Variants in NOP53 observed in about 807,000 individuals in gnomAD.
The protein encoded by NOP53 is NOP53 ribosome biogenesis factor.
NOP53 carries 40 observed loss-of-function variants against 61.0 expected under a neutral mutation model. That is an observed-to-expected ratio of 0.66 (90% CI 0.51 to 0.85). NOP53 has a LOEUF of 0.85. Among genes scored for constraint, NOP53 ranks in the 40% least tolerant of loss-of-function variants. The pLI is 0.00. For synonymous variants in NOP53, 308 were observed against 289.5 expected, an observed-to-expected ratio of 1.06 and a Z score of -0.65; for missense variants, 689 against 652.9, an observed-to-expected ratio of 1.06 and a Z score of -0.60.
rs140040455 is a variant in NOP53, at chr19:47,751,544, G to T, written c.623G>T (p.Gly208Val). Residue 208 changes from glycine to valine, a missense_variant, in exon 5 of 13, where the codon GGC (glycine) becomes GTC (valine). Coordinates refer to ENST00000246802, the MANE Select transcript of NOP53 (RefSeq NM_015710.5). ...SDNPLDRPLV[G>V]QDEFFLEQTK... Reference sequence around the variant, plus strand: ...GACCCCCTGGACAGGCCGTTGGTTGGCCAGGATGAGTTTTTCCTGGAGCAG... The same window carrying T: ...GACCCCCTGGACAGGCCGTTGGTTGTCCAGGATGAGTTTTTCCTGGAGCAG... 4.2e-5 allele frequency: 68 copies of T among 1,613,868 alleles called. No homozygotes were observed. Among genetic ancestry groups the T allele is most frequent in the Non-Finnish European group, 5.3e-5 (63 of 1,179,948 alleles).
Position 47,751,528 on chromosome 19 carries a change from G to C in NOP53, c.607G>C (p.Asp203His), listed in dbSNP as rs1967124918. ...CCTCGCTGTATCCACAGACCCCCTG[G>C]ACAGGCCGTTGGTTGGCCAGGATGA... ...YDLWASDNPL[D>H]RPLVGQDEFF... The change falls in exon 5 of 13, where the codon GAC (aspartate) becomes CAC (histidine). Residue 203 changes from aspartate (D) to histidine (H), a missense_variant. Coordinates refer to ENST00000246802, the MANE Select transcript of NOP53 (RefSeq NM_015710.5). The C allele has an allele frequency of 6.2e-7, 1 of 1,613,718 alleles. No homozygotes were observed. Among genetic ancestry groups the C allele is most frequent in the African/African-American group, 1.3e-5 (1 of 74,846 alleles).
intron 5 of NOP53, 53 bp downstream of exon 5, chr19:47,751,643 G>A (rs2123674773): frequency 7.4e-7 from 1 of 1,358,534 alleles, no homozygotes; most frequent in Admixed American, 1.7e-5. Flanking sequence ...GGAGGGCCGG[G>A]AGCTGCTCTG....
At chr19:47,746,183 T>C (rs899427050) in intron 1 of NOP53, 1 of 160,618 alleles carries the variant, frequency 6.2e-6, no homozygotes, top group African/African-American at 2.4e-5. Flanking sequence ...TGTGTGTATA[T>C]ATATGTATAT....
At chr19:47,755,662 C>T in intron 9 of NOP53, 94 bp from the exon 10 acceptor site, 1 of 1,365,678 alleles carries the variant, frequency 7.3e-7, no homozygotes, top group East Asian at 2.5e-5. Context: ...ACCCCACATT[C>T]TCAGAGGCCC....
chr19:47,750,937 A>G lies in NOP53; in HGVS notation c.428A>G (p.Lys143Arg), dbSNP rs749037982. 3.1e-6 allele frequency: 5 copies of G among 1,597,030 alleles called. No individual in the cohort carries two copies. The African/African-American group carries it at 4.0e-5, about 13-fold the overall frequency. ...DVLAHQVPNA[K>R]KLRRKEQLWE... ...CTCGCCCACCAGGTCCCCAACGCCA[A>G]GAAGCTCAGGCGGAAGGAGCAGCTA... Residue 143 changes from lysine to arginine, a missense_variant, in exon 4 of 13, where the codon AAG (lysine) becomes AGG (arginine). Physicochemically the swap from Lys to Arg is conservative, Grantham distance 26 (BLOSUM62 2). Coordinates refer to ENST00000246802, the MANE Select transcript of NOP53 (RefSeq NM_015710.5).
rs1207576599 is a variant in NOP53, at chr19:47,753,048, T to C, written c.765+441T>C. The stretch of plus-strand genomic sequence containing the variant: ...CACACTGGCAGCCAAGTGACAGTTA[T>C]ATATGGGCGAGGCTAGCTCAGCGAT... On this transcript the variant is annotated intron_variant, in intron 6 of 12. Transcript: ENST00000246802. 3.5e-5 allele frequency: 6 copies of C among 171,692 alleles called. No homozygotes were observed. The East Asian group carries it at 6.4e-4, about 18-fold the overall frequency. The allele number at this position is 171,692 out of a possible 1,614,324, so 10.6% of individuals were successfully genotyped here.
In NOP53 at chr19:47,745,564, C is replaced by T. The variant is rs1351809298; in HGVS notation, c.5C>T (p.Ala2Val). M[A>V]AGGSGVGGKR... Reference sequence around the variant, plus strand: ...CTGAGTTCTTCCTTTGACAAGATGGCGGCAGGAGGCAGTGGCGTTGGTGGG... The same window carrying T: ...CTGAGTTCTTCCTTTGACAAGATGGTGGCAGGAGGCAGTGGCGTTGGTGGG... The change falls in exon 1 of 13, where the codon GCG (alanine) becomes GTG (valine). Residue 2 changes from alanine (A) to valine (V), a missense_variant. By Grantham distance (64) the Ala-to-Val change is moderately conservative (BLOSUM62 0). Transcript: ENST00000246802. 21 of 1,613,070 alleles carry T rather than the reference C, an allele frequency of 1.3e-5. No homozygotes were observed. The highest frequency in any genetic ancestry group is 1.7e-5 in the Admixed American group (1 of 59,976).
Position 47,754,683 on chromosome 19 carries a change from C to G in NOP53, c.871-26C>G, listed in dbSNP as rs1568600159. On this transcript the variant is annotated intron_variant, in intron 7 of 12. Coordinates refer to ENST00000246802, the MANE Select transcript of NOP53 (RefSeq NM_015710.5). This position sits in a 1 kb window ranked among gnomAD's most constrained non-coding sequence, Gnocchi z 4.2. Reference sequence around the variant, plus strand: ...CCCCTCCCCGGGCCTCCTACCCACCCCTGACACTGCACCCCGCCTCCCCAG... The same window carrying G: ...CCCCTCCCCGGGCCTCCTACCCACCGCTGACACTGCACCCCGCCTCCCCAG... 2 of 1,540,144 alleles carry G rather than the reference C, an allele frequency of 1.3e-6. No homozygotes were observed. The highest frequency in any genetic ancestry group is 2.4e-5 in the East Asian group (1 of 40,822).
intron 1 of NOP53, chr19:47,746,017 A>C: frequency 4.0e-6 from 2 of 497,076 alleles, no homozygotes; most frequent in Non-Finnish European, 7.1e-6. Context: ...GCTCAATTAA[A>C]TTTGGATTTT....
chr19:47,755,618 C>T (rs113222696), intron 9 of NOP53, 95 bp downstream of exon 9: 46 of 1,351,312 alleles, frequency 3.4e-5, no homozygotes, highest in Non-Finnish European at 1.6e-5. Flanking sequence ...ACTGCCCACC[C>T]CCCCCATCGG....
In NOP53 at chr19:47,745,668, C is replaced by A. The variant is rs144346550; in HGVS notation, c.109C>A (p.Arg37=). Residue 37 remains arginine, a synonymous_variant, in exon 1 of 13, where the codon CGG becomes AGG. Transcript: ENST00000246802. The stretch of plus-strand genomic sequence containing the variant: ...TTCGGTGGACCCAGCGCTGAGGCGG[C>A]GGCGGCGAGGCCCAAGAAATAAGAA... ...PTSVDPALRR[R]RRGPRNKKRG... 0.024 allele frequency: 38,262 copies of A among 1,613,372 alleles called. 651 individuals carry two copies. The highest frequency in any genetic ancestry group is 0.025 in the Non-Finnish European group (29,493 of 1,179,674).
chr19:47,747,098 G>C, intron 2 of NOP53, 67 bp downstream of exon 2: 1 of 1,264,108 alleles, frequency 7.9e-7, no homozygotes, highest in Admixed American at 1.8e-5. Context: ...GGTAGCCTCT[G>C]AGATCTGTGT....
At chr19:47,756,329 G>C (rs1967197460) in intron 10 of NOP53, 199 bp from the exon 11 acceptor site, 1 of 596,662 alleles carries the variant, frequency 1.7e-6, no homozygotes, top group Non-Finnish European at 3.0e-6. Context: ...TCTAAGCCCA[G>C]CTTAGAGATG....
intron 2 of NOP53, among the ~76,000 whole-genome samples, chr19:47,747,984 T>C (rs1203264349): frequency 6.6e-6 from 1 of 151,924 alleles, no homozygotes; most frequent in Non-Finnish European, 1.5e-5. Context: ...TTCTCTATGT[T>C]GGTCAGGCTG....
chr19:47,751,032 C>G lies in NOP53; in HGVS notation c.523C>G (p.Pro175Ala), dbSNP rs550344636. 6.2e-7 allele frequency: 1 copy of G among 1,605,678 alleles called. No homozygotes were observed. Among genetic ancestry groups the G allele is most frequent in the Non-Finnish European group, 8.5e-7 (1 of 1,177,052 alleles). ...VRRAQARLLN[P>A]SATRAKPGPQ... Reference sequence around the variant, plus strand: ...CAGGGCCCAGGCCCGGCTCCTCAACCCTTCTGCAACAAGGGCCAAGCCCGG... The same window carrying G: ...CAGGGCCCAGGCCCGGCTCCTCAACGCTTCTGCAACAAGGGCCAAGCCCGG... The change falls in exon 4 of 13, where the codon CCT becomes GCT. Residue 175 changes from proline to alanine, a missense_variant. Transcript: ENST00000246802.
chr19:47,752,954 G>A (rs1967142788), intron 6 of NOP53: 1 of 227,766 alleles, frequency 4.4e-6, no homozygotes. Flanking sequence ...GCACAGAGTT[G>A]AGAGAGACCG....
intron 2 of NOP53, among the ~76,000 whole-genome samples, chr19:47,747,371 G>C (rs1967077337): frequency 6.6e-6 from 1 of 152,150 alleles, no homozygotes; most frequent in Non-Finnish European, 1.5e-5. Context: ...GCCGGTTGCG[G>C]TGAGTCACGC....
chr19:47,755,802 G>T lies in NOP53; in HGVS notation c.1276G>T (p.Asp426Tyr). 1 of 1,609,892 alleles carries T rather than the reference G, an allele frequency of 6.2e-7. No homozygotes were observed. Among genetic ancestry groups the T allele is most frequent in the Non-Finnish European group, 8.5e-7 (1 of 1,178,336 alleles). ...CGTGCAGCTGAGCTCGGAGCTGACAGACTCGCTCAGGACCCTGAAGGTGCT... is the reference window on the plus strand; with the variant it reads ...CGTGCAGCTGAGCTCGGAGCTGACATACTCGCTCAGGACCCTGAAGGTGCT... ...IDVQLSSELT[D>Y]SLRTLKPEGN... is the part of the protein sequence containing the mutation. Residue 426 changes from aspartate to tyrosine, a missense_variant, in exon 10 of 13, where the codon GAC becomes TAC. By Grantham distance (160) the Asp-to-Tyr change is radical (BLOSUM62 -3). Transcript: ENST00000246802.
chr19:47,756,408 G>T (rs1967198342), intron 10 of NOP53, 120 bp from the exon 11 acceptor site: 1 of 708,448 alleles, frequency 1.4e-6, no homozygotes. Context: ...AGTCCCTGGT[G>T]CCCACAGGCT....
Sources: allele counts gnomAD v4.1 joint callset (sites outside exome capture counted in the v4.1 genomes callset), GRCh38; gene constraint gnomAD v4.1.1; non-coding constraint Gnocchi (gnomAD v3.1); transcripts MANE v1.5; gene names NCBI Gene and HGNC (gene_info 2026-07-23, HGNC 2026-07-21).